The following RBBP6 variants were observed in gnomAD, a reference collection of about 807,000 sequenced individuals.
RBBP6 encodes the protein RB binding protein 6, ubiquitin ligase.
A neutral mutation model predicts 167.7 loss-of-function variants in RBBP6; 25 were observed. The observed-to-expected ratio is 0.15, with a 90% CI of 0.11 to 0.21. RBBP6 has a LOEUF of 0.21. Among genes scored for constraint, RBBP6 ranks in the 10% least tolerant of loss-of-function variants. RBBP6 has a pLI of 1.00. For synonymous variants in RBBP6, 789 were observed against 735.8 expected (o/e 1.07, Z -1.17); for missense variants, 1,868 against 2,134.2 (o/e 0.88, Z 2.46).
intron 2 of RBBP6, among the ~76,000 whole-genome samples, chr16:24,547,636 A>T (rs576508425): frequency 1.3e-5 from 2 of 152,054 alleles, no homozygotes; most frequent in Non-Finnish European, 2.9e-5. Flanking sequence ...TTGGATTTTT[A>T]GTAGAGACTG....
Position 24,556,322 on chromosome 16 carries a change from A to G in RBBP6, c.549A>G (p.Glu183=). The change falls in exon 7 of 18, where the codon GAA becomes GAG. Residue 183 remains glutamate (E), a synonymous_variant. Coordinates refer to ENST00000319715, the MANE Select transcript of RBBP6 (RefSeq NM_006910.5). ...NCPTNGDKNF[E]SGPRIKKSTG... ...CCTCTGAATAGGATAAAAACTTTGAATCTGGTCCTAGGATTAAAAAGAGCA... is the reference window on the plus strand; with the variant it reads ...CCTCTGAATAGGATAAAAACTTTGAGTCTGGTCCTAGGATTAAAAAGAGCA... 1 of 1,594,040 alleles carries G rather than the reference A, an allele frequency of 6.3e-7. No individual in the cohort carries two copies. The highest frequency in any genetic ancestry group is 2.2e-5 in the East Asian group (1 of 44,768).
intron 16 of RBBP6, 96 bp from the exon 17 acceptor site, chr16:24,568,649 A>T (rs1280367177): frequency 4.8e-6 from 7 of 1,446,232 alleles, no homozygotes; most frequent in Non-Finnish European, 1.8e-6. Context: ...ATAAAGATAG[A>T]TGAAACCGTG....
intron 1 of RBBP6, 103 bp downstream of exon 1, chr16:24,540,895 G>C: frequency 7.3e-7 from 1 of 1,367,082 alleles, no homozygotes; most frequent in Non-Finnish European, 9.9e-7. Flanking sequence ...AGTGGGGACT[G>C]TTCGTTCTAG....
intron 2 of RBBP6, among the ~76,000 whole-genome samples, chr16:24,546,684 A>G (rs1383656395): frequency 6.6e-6 from 1 of 152,182 alleles, no homozygotes; most frequent in Non-Finnish European, 1.5e-5. Flanking sequence ...CTTTATCAAT[A>G]AGGGGCTTTG....
At chr16:24,564,214 T>A (rs541765140) in intron 13 of RBBP6, among the ~76,000 whole-genome samples, 1 of 152,354 alleles carries the variant, frequency 6.6e-6, no homozygotes, top group East Asian at 1.9e-4. Flanking sequence ...CTTAATGTAT[T>A]TTTAGTTATA....
chr16:24,570,904 C>T lies in RBBP6; in HGVS notation c.3838C>T (p.Arg1280Trp), dbSNP rs149805045. Reference protein sequence around the residue: ...STSSTGGSPVRKSEEKTDTKR... With the variant: ...STSSTGGSPVWKSEEKTDTKR... ...GAGCTCAACTGGAGGCAGTCCTGTG[C>T]GGAAATCTGAAGAAAAAACAGATAC... The change falls in exon 18 of 18, where the codon CGG becomes TGG. Residue 1280 changes from arginine (R) to tryptophan (W), a missense_variant. Physicochemically the swap from Arg to Trp is moderately radical, Grantham distance 101. This residue lies in a region of RBBP6 where 673 missense variants were observed against 691.5 expected (regional missense o/e 0.97). Transcript: ENST00000319715. 189 of 1,578,758 alleles carry T rather than the reference C, an allele frequency of 1.2e-4. No homozygotes were observed. The African/African-American group carries it at 2.2e-3, about 19-fold the overall frequency.
intron 3 of RBBP6, among the ~76,000 whole-genome samples, chr16:24,550,528 T>C (rs1898772972): frequency 6.6e-6 from 1 of 151,794 alleles, no homozygotes; most frequent in African/African-American, 2.4e-5. Flanking sequence ...TTGTATAAAG[T>C]ACAGTTTATA....
rs1337517365 is a variant in RBBP6, at chr16:24,557,525, C to G, written c.674+1078C>G. ...CTAACTTTGTTGAGCATAAGAATTT[C>G]CTACAAAAGTATGTTAAAAGGCTGG... On this transcript the variant is annotated intron_variant, in intron 7 of 17. Transcript: ENST00000319715. Among the ~76,000 whole-genome samples, 16 of 152,076 alleles carry G rather than the reference C, an allele frequency of 1.1e-4. No homozygotes were observed. The East Asian group carries it at 3.1e-3, about 29-fold the overall frequency.
intron 3 of RBBP6, among the ~76,000 whole-genome samples, chr16:24,550,353 GTT>G (rs909261416): frequency 7.5e-6 from 1 of 133,518 alleles, no homozygotes; most frequent in Non-Finnish European, 1.6e-5. Context: ...GATATGGGGT[GTT>G]TTTTTTTGTT....
rs1899311929 is a variant in RBBP6 at position 24,570,950 on chromosome 16, C to T, written c.3884C>T (p.Thr1295Met). 1 of 1,605,558 alleles carries T rather than the reference C, an allele frequency of 6.2e-7. No homozygotes were observed. Among genetic ancestry groups the T allele is most frequent in the Non-Finnish European group, 8.5e-7 (1 of 1,173,664 alleles). The stretch of plus-strand genomic sequence containing the variant: ...GATACAAAGCGAACTGTGATTAAAA[C>T]GATGGAAGAATATAATAATGACAAT... ...KTDTKRTVIK[T>M]MEEYNNDNTA... Residue 1295 changes from threonine (T) to methionine (M), a missense_variant, in exon 18 of 18, where the codon ACG (threonine) becomes ATG (methionine). Thr to Met is a moderately conservative substitution (Grantham distance 81). Around this residue, in one of 7 missense-constraint regions of RBBP6, gnomAD observed 19 missense variants for 40.5 expected, o/e 0.47. Transcript: ENST00000319715.
intron 10 of RBBP6, among the ~76,000 whole-genome samples, chr16:24,562,402 AAAC>A (rs1899085819): frequency 6.6e-6 from 1 of 152,182 alleles, no homozygotes; most frequent in African/African-American, 2.4e-5. Context: ...AGCCCCTATT[AAAC>A]GTTGAATGTT....
At chr16:24,546,738 G>A (rs1596500113) in intron 2 of RBBP6, among the ~76,000 whole-genome samples, 1 of 152,324 alleles carries the variant, frequency 6.6e-6, no homozygotes, top group East Asian at 1.9e-4. Context: ...CATGGGCACT[G>A]AAATCAGGCT....
At chr16:24,563,133 ACTTTTTTAC>A in intron 10 of RBBP6, 57 bp from the exon 11 acceptor site, 2 of 1,332,618 alleles carry the variant, frequency 1.5e-6, no homozygotes, top group South Asian at 2.7e-5. Flanking sequence ...ACAGCAGCAA[ACTTTTTTAC>A]TCTTAATTGT....
rs777323303 is a variant in RBBP6 at position 24,570,381 on chromosome 16, C to G, written c.3691C>G (p.Pro1231Ala). The part of the protein sequence containing the change: ...STENISNTKE[P>A]SEKLESTSSK... ...AGAAAATATATCAAACACAAAAGAA[C>G]CCTCTGAAAAATTGGAGTCAACATC... Residue 1231 changes from proline (P) to alanine (A), a missense_variant, in exon 17 of 18, where the codon CCC becomes GCC. Physicochemically the swap from Pro to Ala is conservative, Grantham distance 27 (BLOSUM62 -1). Around this residue, in one of 7 missense-constraint regions of RBBP6, gnomAD observed 673 missense variants for 691.5 expected, o/e 0.97. Coordinates refer to ENST00000319715, the MANE Select transcript of RBBP6 (RefSeq NM_006910.5). 6.2e-7 allele frequency: 1 copy of G among 1,612,758 alleles called. No homozygotes were observed. The highest frequency in any genetic ancestry group is 1.3e-5 in the African/African-American group (1 of 74,718).
Position 24,572,167 on chromosome 16 carries a change from A to G in RBBP6, c.5101A>G (p.Ser1701Gly). The G allele has an allele frequency of 6.2e-7, 1 of 1,614,198 alleles. No homozygotes were observed. The highest frequency in any genetic ancestry group is 8.5e-7 in the Non-Finnish European group (1 of 1,180,042). The part of the protein sequence containing the change: ...QSHSSPSVSP[S>G]RSHSPSGSQT... ...CCACAGCAGCCCCAGCGTCAGCCCC[A>G]GCAGAAGCCACAGTCCTTCTGGAAG... Residue 1701 changes from serine (S) to glycine (G), a missense_variant, in exon 18 of 18, where the codon AGC becomes GGC. Around this residue, in one of 7 missense-constraint regions of RBBP6, gnomAD observed 591 missense variants for 540.5 expected, o/e 1.09. Coordinates refer to ENST00000319715, the MANE Select transcript of RBBP6 (RefSeq NM_006910.5).
chr16:24,562,574 T>C (rs1470282941), intron 10 of RBBP6, among the ~76,000 whole-genome samples: 3 of 151,898 alleles, frequency 2.0e-5, no homozygotes, highest in Non-Finnish European at 4.4e-5. Context: ...AAGTCAGGAA[T>C]AGTGATTGTT....
chr16:24,561,540 C>A (rs1463896044), intron 8 of RBBP6, 72 bp from the exon 9 acceptor site: 15 of 1,263,982 alleles, frequency 1.2e-5, no homozygotes, highest in Non-Finnish European at 1.6e-5. Flanking sequence ...TGTGGACCAT[C>A]CTTTTAATTC....
chr16:24,544,339 A>G (rs1567270253), intron 1 of RBBP6, among the ~76,000 whole-genome samples: 1 of 152,344 alleles, frequency 6.6e-6, no homozygotes, highest in African/African-American at 2.4e-5. Context: ...ATAGTCCTAC[A>G]TTGGCATGCC....
rs1350966858 is a variant in RBBP6 at position 24,570,273 on chromosome 16, C to T, written c.3583C>T (p.Pro1195Ser). The T allele has an allele frequency of 6.2e-7, 1 of 1,611,616 alleles. No homozygotes were observed. The change falls in exon 17 of 18, where the codon CCT becomes TCT. Residue 1195 changes from proline (P) to serine (S), a missense_variant. Coordinates refer to ENST00000319715, the MANE Select transcript of RBBP6 (RefSeq NM_006910.5). ...TGATACTGAAAAAATGGATAGGACCCCTGAAAAGGACAAAATTTCTTTAAG... is the reference window on the plus strand; with the variant it reads ...TGATACTGAAAAAATGGATAGGACCTCTGAAAAGGACAAAATTTCTTTAAG... ...EPDTEKMDRT[P>S]EKDKISLSAP...
Sources: gnomAD v4.1 joint callset for allele counts (sites outside exome capture counted in the v4.1 genomes callset) on GRCh38, gnomAD v4.1.1 for gene constraint, gnomAD v4.1.1 regional missense constraint, MANE v1.5 for transcripts, NCBI Gene and HGNC (gene_info 2026-07-23, HGNC 2026-07-21) for gene names.